ABCB7: variants seen among roughly 807,000 people sequenced by gnomAD.
ABCB7 encodes ATP binding cassette subfamily B member 7, also known as iron-sulfur clusters transporter ABCB7, mitochondrial.
A neutral mutation model predicts 54.4 loss-of-function variants in ABCB7; 7 were observed. That is an observed-to-expected ratio of 0.13 (90% CI 0.07 to 0.24). The LOEUF (loss-of-function observed/expected upper bound fraction) is 0.24. Ranked by LOEUF, ABCB7 falls within the 10% of genes least tolerant of loss-of-function variation. The probability of loss-of-function intolerance (pLI) is 1.00; values close to 1 mark genes in which losing one functional copy is unlikely to be tolerated. For missense variants in ABCB7, 356 were observed against 570.4 expected (o/e 0.62, Z 3.83); for synonymous variants, 218 against 207.1 (o/e 1.05, Z -0.45).
At chrX:75,141,182 C>T (rs757455384) in intron 1 of ABCB7, among the ~76,000 whole-genome samples, 2 of 111,806 alleles carry the variant, frequency 1.8e-5, no homozygotes, top group African/African-American at 3.2e-5. Context: ...GCAGCTGCTT[C>T]GCTGAGAAAC....
chrX:75,104,032 C>G (rs2081662559), intron 3 of ABCB7, among the ~76,000 whole-genome samples: 1 of 55,269 alleles, frequency 1.8e-5, no homozygotes, highest in African/African-American at 5.5e-5. Context: ...AAATGGGCAT[C>G]CCTGTCTTGT....
chrX:75,131,587 C>T (rs1369213795), intron 1 of ABCB7, among the ~76,000 whole-genome samples: 1 of 111,609 alleles, frequency 9.0e-6, no homozygotes, highest in Non-Finnish European at 1.9e-5. Context: ...TCTCAAAGTG[C>T]AAACACATAG....
chrX:75,155,636 G>A (rs1013085432), intron 1 of ABCB7, among the ~76,000 whole-genome samples: 5 of 111,329 alleles, frequency 4.5e-5, no homozygotes, highest in Non-Finnish European at 7.5e-5. Context: ...TGTCAGCAAG[G>A]GAGTTAACTG....
intron 1 of ABCB7, among the ~76,000 whole-genome samples, chrX:75,155,648 C>T (rs1348597892): frequency 1.8e-5 from 2 of 111,320 alleles, no homozygotes; most frequent in Non-Finnish European, 3.8e-5. Flanking sequence ...AGTTAACTGG[C>T]GCCACCTGTT....
At chrX:75,136,741 C>T (rs2082012597) in intron 1 of ABCB7, among the ~76,000 whole-genome samples, 1 of 111,982 alleles carries the variant, frequency 8.9e-6, no homozygotes, top group Admixed American at 9.5e-5. Context: ...TGCACACCAA[C>T]AGCCATCTGA....
At chrX:75,113,408 C>A (rs980364545) in intron 2 of ABCB7, among the ~76,000 whole-genome samples, 1 of 112,125 alleles carries the variant, frequency 8.9e-6, no homozygotes, top group African/African-American at 3.2e-5. Flanking sequence ...TAATTTTAAA[C>A]AACTGATTCT....
At chrX:75,067,648 C>T (rs1486633302) in intron 12 of ABCB7, among the ~76,000 whole-genome samples, 1 of 110,373 alleles carries the variant, frequency 9.1e-6, no homozygotes, top group African/African-American at 3.3e-5. Context: ...CCATGCTCAG[C>T]TAATTTTTCT....
intron 3 of ABCB7, among the ~76,000 whole-genome samples, chrX:75,104,047 GTTTTTTTTTTTTTT>G (rs757074347): frequency 0.012 from 167 of 13,422 alleles, no homozygotes; most frequent in Middle Eastern, 0.2. Flanking sequence ...TCTTGTTACA[GTTTTTTTTTTTTTT>G]TTTTTTTTTT....
intron 1 of ABCB7, among the ~76,000 whole-genome samples, chrX:75,130,915 TA>T (rs987705886): frequency 1.8e-5 from 2 of 110,593 alleles, no homozygotes; most frequent in African/African-American, 6.6e-5. Context: ...AAAATGGAGA[TA>T]AAAATATTTA....
intron 14 of ABCB7, among the ~76,000 whole-genome samples, chrX:75,060,539 G>A (rs2081274724): frequency 9.0e-6 from 1 of 111,362 alleles, no homozygotes; most frequent in African/African-American, 3.3e-5. Context: ...AGGCAACTAT[G>A]ATCACATTAT....
At chrX:75,124,489 A>G (rs993188039) in intron 1 of ABCB7, among the ~76,000 whole-genome samples, 2 of 112,227 alleles carry the variant, frequency 1.8e-5, no homozygotes, top group African/African-American at 6.5e-5. Context: ...TAGCTAAGTG[A>G]TGTGAGATTC....
chrX:75,085,401 G>C (rs1205811060), intron 4 of ABCB7, among the ~76,000 whole-genome samples: 3 of 111,787 alleles, frequency 2.7e-5, no homozygotes, highest in Non-Finnish European at 5.6e-5. Context: ...GAAAACTATA[G>C]TGATAGAGGA....
intron 8 of ABCB7, among the ~76,000 whole-genome samples, chrX:75,072,304 C>T (rs5981318): frequency 0.029 from 3,189 of 111,240 alleles, 116 homozygotes; most frequent in African/African-American, 0.1. Context: ...GCTAACGGTA[C>T]ACAGTCATGC....
intron 1 of ABCB7, among the ~76,000 whole-genome samples, chrX:75,137,812 G>C (rs1410421801): frequency 8.9e-6 from 1 of 111,809 alleles, no homozygotes. Context: ...CTAAGTGAGA[G>C]CTGAACATTG....
chrX:75,060,383 A>G, intron 14 of ABCB7, 53 bp from the exon 15 acceptor site: 2 of 925,408 alleles, frequency 2.2e-6, no homozygotes, highest in Non-Finnish European at 3.1e-6. Flanking sequence ...AGTACACATT[A>G]GGCAAATGTA....
Position 75,099,136 on chromosome X carries a change from T to G in ABCB7, c.334-75A>C, listed in dbSNP as rs371814434. ...TAACCATAATTCAATAACGTAGAATTTATATATTTGAGAAATACATGAAAA... is the reference window on the plus strand; with the variant it reads ...TAACCATAATTCAATAACGTAGAATGTATATATTTGAGAAATACATGAAAA... On this transcript the variant is annotated intron_variant, in intron 3 of 15. Transcript: ENST00000373394. 294 of 1,064,128 alleles carry G rather than the reference T, an allele frequency of 2.8e-4. 1 individual carries two copies. In the African/African-American group the frequency reaches 4.4e-3, roughly 16 times the overall value. The allele number at this position is 1,064,128 out of a possible 1,213,427, so 87.7% of individuals were successfully genotyped here. A position where few individuals can be genotyped will look rare whatever the true frequency, so the allele number is the denominator to read the frequency against.
At position 75,156,250 on chromosome X, in the gene ABCB7, G is replaced by A. The variant is rs1306111911; in HGVS notation, c.23C>T (p.Ser8Phe). Residue 8 changes from serine (S) to phenylalanine (F), a missense_variant, in exon 1 of 16, where the codon TCT becomes TTT. By Grantham distance (155) the Ser-to-Phe change is radical. Transcript: ENST00000373394. The stretch of plus-strand genomic sequence containing the variant: ...AGCCGCCGCGGCCGCCCAGCGCCAA[G>A]AATGCATCGCGAGCAGCGCCATCTT... MALLAMHSWRWAAAAAAF... is the reference protein window; with the variant it reads MALLAMHFWRWAAAAAAF... 3.3e-6 allele frequency: 4 copies of A among 1,205,770 alleles called. No homozygotes were observed. Among genetic ancestry groups the A allele is most frequent in the Non-Finnish European group, 1.1e-6 (1 of 892,762 alleles).
chrX:75,098,423 G>A (rs754193216), intron 4 of ABCB7, among the ~76,000 whole-genome samples: 2 of 111,657 alleles, frequency 1.8e-5, no homozygotes, highest in African/African-American at 6.5e-5. Flanking sequence ...GACAAACTGA[G>A]AAGGCTGCTG....
At chrX:75,090,436 CTAAA>C (rs1449647275) in intron 4 of ABCB7, among the ~76,000 whole-genome samples, 4 of 110,211 alleles carry the variant, frequency 3.6e-5, no homozygotes, top group African/African-American at 1.3e-4. Context: ...ATATTTTGAA[CTAAA>C]TAAAGATGAA....
Sources: gnomAD v4.1 joint callset for allele counts (sites outside exome capture counted in the v4.1 genomes callset) on GRCh38, gnomAD v4.1.1 for gene constraint, MANE v1.5 for transcripts, NCBI Gene and HGNC (gene_info 2026-07-23, HGNC 2026-07-21) for gene names.